The following PLPP1 variants were observed in gnomAD, a reference collection of about 807,000 sequenced individuals.
PLPP1 encodes phospholipid phosphatase 1.
PLPP1 carries 24 observed loss-of-function variants against 31.2 expected under a neutral mutation model. The ratio of observed to expected loss-of-function variants is 0.77; its 90% CI spans 0.56 to 1.08. PLPP1 has a LOEUF of 1.08. Ranked by LOEUF, PLPP1 falls within the 50% of genes least tolerant of loss-of-function variation. The pLI, the probability that PLPP1 is intolerant of heterozygous loss-of-function variation, is 0.00. For missense variants in PLPP1, 319 were observed against 342.7 expected, an observed-to-expected ratio of 0.93 and a Z score of 0.55; for synonymous variants, 146 against 126.3, an observed-to-expected ratio of 1.16 and a Z score of -1.05.
intron 4 of PLPP1, among the ~76,000 whole-genome samples, chr5:55,427,526 T>G (rs1345488842): frequency 6.6e-6 from 1 of 152,200 alleles, no homozygotes; most frequent in Non-Finnish European, 1.5e-5. Flanking sequence ...TAGAATGGAC[T>G]TAAGCTAGTC....
At chr5:55,510,671 G>A (rs1753385306) in intron 1 of PLPP1, among the ~76,000 whole-genome samples, 1 of 152,050 alleles carries the variant, frequency 6.6e-6, no homozygotes, top group Non-Finnish European at 1.5e-5. Flanking sequence ...TGCCATTCTA[G>A]CTTCCATTCA....
At chr5:55,473,415 C>A (rs903314158) in intron 2 of PLPP1, among the ~76,000 whole-genome samples, 1 of 152,148 alleles carries the variant, frequency 6.6e-6, no homozygotes, top group Non-Finnish European at 1.5e-5. Flanking sequence ...AAGGAGCTCA[C>A]AGTCTTATAA....
rs983370217 is a variant in PLPP1, at chr5:55,490,886, C to G, written c.59-15436G>C. Reference sequence around the variant, plus strand: ...GTGAAGACAGTACTGTGGATTTACCCCCGCCCCAACTCCATGCTTCATCCA... The same window carrying G: ...GTGAAGACAGTACTGTGGATTTACCGCCGCCCCAACTCCATGCTTCATCCA... On this transcript the variant is annotated intron_variant, in intron 1 of 5. Coordinates refer to ENST00000307259, the MANE Select transcript of PLPP1 (RefSeq NM_003711.4). 4.8e-6 allele frequency: 7 copies of G among 1,468,144 alleles called. No homozygotes were observed. The Admixed American group carries it at 1.2e-4, about 25-fold the overall frequency. The allele number at this position is 1,468,144 out of a possible 1,614,324, so 90.9% of individuals were successfully genotyped here. A position where few individuals can be genotyped will look rare whatever the true frequency, so the allele number is the denominator to read the frequency against.
Position 55,496,356 on chromosome 5 carries a change from G to C in PLPP1, c.59-20906C>G, listed in dbSNP as rs558246456. On this transcript the variant is annotated intron_variant, in intron 1 of 5. Coordinates refer to ENST00000307259, the MANE Select transcript of PLPP1 (RefSeq NM_003711.4). ...TTTCTCTTAATTAAAATTTCCTTAA[G>C]AGGAGTCACTTTTAAAACTATGTAA... Among the ~76,000 whole-genome samples the C allele has an allele frequency of 1.3e-4, 20 of 152,200 alleles. No individual in the cohort carries two copies. In the South Asian group the frequency reaches 4.1e-3, roughly 32 times the overall value.
chr5:55,493,149 C>T (rs536683652), intron 1 of PLPP1, among the ~76,000 whole-genome samples: 1 of 151,854 alleles, frequency 6.6e-6, no homozygotes, highest in East Asian at 1.9e-4. Flanking sequence ...CTCGTCTCTA[C>T]AAAAGAAATT....
At chr5:55,518,796 CTG>C (rs1479524271) in intron 1 of PLPP1, among the ~76,000 whole-genome samples, 1 of 152,094 alleles carries the variant, frequency 6.6e-6, no homozygotes, top group Non-Finnish European at 1.5e-5. Context: ...TCCTTAATAA[CTG>C]AGGTTCATTT....
At chr5:55,491,863 A>AAG (rs1752897498) in intron 1 of PLPP1, among the ~76,000 whole-genome samples, 1 of 145,896 alleles carries the variant, frequency 6.9e-6, no homozygotes. Flanking sequence ...ATCTCAGGAA[A>AAG]AAAAAAAAAA....
rs551424768 is a variant in PLPP1, at chr5:55,499,694, A to G, written c.59-24244T>C. 7.9e-4 allele frequency among the ~76,000 whole-genome samples: 120 copies of G among 152,256 alleles called. No individual in the cohort carries two copies. The Middle Eastern group carries it at 0.024, about 30-fold the overall frequency. ...AGTTTCACTACTCAAAAAAAAAATAAATAAATAGTTAATAATCTTATATGG... is the reference window on the plus strand; with the variant it reads ...AGTTTCACTACTCAAAAAAAAAATAGATAAATAGTTAATAATCTTATATGG... On this transcript the variant is annotated intron_variant, in intron 1 of 5. Coordinates refer to ENST00000307259, the MANE Select transcript of PLPP1 (RefSeq NM_003711.4).
At chr5:55,461,899 A>T (rs1752174181) in intron 3 of PLPP1, among the ~76,000 whole-genome samples, 1 of 152,166 alleles carries the variant, frequency 6.6e-6, no homozygotes, top group African/African-American at 2.4e-5. Flanking sequence ...ATATAAAAAC[A>T]AATTCTACTT....
chr5:55,456,130 A>G (rs1449676105), intron 3 of PLPP1, among the ~76,000 whole-genome samples: 2 of 152,196 alleles, frequency 1.3e-5, no homozygotes, highest in Non-Finnish European at 1.5e-5. Context: ...AAATTCTCAT[A>G]TATTAATTCT....
chr5:55,424,901 T>G lies in PLPP1; in HGVS notation c.*305A>C. ...ATATGTATTATATTTAAATCAAACA[T>G]CATTCATAGAAAGCATATTACATAC... On this transcript the variant is annotated 3_prime_UTR_variant, in exon 6 of 6. Transcript: ENST00000307259. 1 of 681,906 alleles carries G rather than the reference T, an allele frequency of 1.5e-6. No homozygotes were observed. The highest frequency in any genetic ancestry group is 2.0e-5 in the South Asian group (1 of 50,400). 42.2% of individuals were successfully genotyped at this position (681,906 alleles called of 1,614,324 possible).
intron 1 of PLPP1, among the ~76,000 whole-genome samples, chr5:55,515,200 G>A (rs1030648340): frequency 6.6e-6 from 1 of 152,182 alleles, no homozygotes; most frequent in Admixed American, 6.5e-5. Context: ...CAGCAATGAG[G>A]GTTCTGTAAG....
chr5:55,458,887 C>CAAAAAAAAAAAAAAAA (rs529067608), intron 3 of PLPP1, among the ~76,000 whole-genome samples: 1 of 21,110 alleles, frequency 4.7e-5, no homozygotes, highest in African/African-American at 1.1e-4. Flanking sequence ...ACCCTGTCTC[C>CAAAAAAAAAAAAAAAA]AAAAAAAAAA....
chr5:55,455,059 T>C (rs553866198), intron 3 of PLPP1, among the ~76,000 whole-genome samples: 19 of 152,316 alleles, frequency 1.2e-4, no homozygotes, highest in African/African-American at 4.3e-4. Flanking sequence ...ATTTCTCACA[T>C]TCAATCATAT....
At chr5:55,517,613 T>C (rs188118641) in intron 1 of PLPP1, among the ~76,000 whole-genome samples, 63 of 152,330 alleles carry the variant, frequency 4.1e-4, no homozygotes, top group African/African-American at 1.4e-3. Flanking sequence ...ACCTAATTAA[T>C]TGACCAACCT....
intron 1 of PLPP1, among the ~76,000 whole-genome samples, chr5:55,491,642 G>C (rs1320693099): frequency 6.6e-6 from 1 of 152,062 alleles, no homozygotes; most frequent in Non-Finnish European, 1.5e-5. Context: ...CAGATCACTT[G>C]ACATGAAGAG....
chr5:55,431,503 A>G (rs1172100296), intron 4 of PLPP1, among the ~76,000 whole-genome samples: 1 of 152,036 alleles, frequency 6.6e-6, no homozygotes, highest in Non-Finnish European at 1.5e-5. Context: ...ATGCATGAAA[A>G]TTAAACAACA....
At chr5:55,484,178 G>T (rs1311312694) in intron 1 of PLPP1, among the ~76,000 whole-genome samples, 2 of 152,052 alleles carry the variant, frequency 1.3e-5, no homozygotes, top group Non-Finnish European at 2.9e-5. Context: ...CCTCATCCTT[G>T]ATATATGATT....
chr5:55,494,510 T>G (rs778388347), intron 1 of PLPP1, among the ~76,000 whole-genome samples: 6 of 152,192 alleles, frequency 3.9e-5, no homozygotes, highest in Non-Finnish European at 8.8e-5. Context: ...GGCACCTCCC[T>G]AAATGCTCAG....
Sources: allele counts gnomAD v4.1 joint callset (sites outside exome capture counted in the v4.1 genomes callset), GRCh38; gene constraint gnomAD v4.1.1; transcripts MANE v1.5; gene names NCBI Gene and HGNC (gene_info 2026-07-23, HGNC 2026-07-21).